Variants in PRKG1 observed in about 807,000 individuals in gnomAD.
PRKG1 encodes the protein cGMP-dependent protein kinase 1.
PRKG1 carries 35 observed loss-of-function variants against 88.1 expected under a neutral mutation model. The ratio of observed to expected loss-of-function variants is 0.40; its 90% CI spans 0.30 to 0.53. PRKG1 has a LOEUF of 0.53. PRKG1 is among the 20% of genes least tolerant of loss of function. PRKG1 has a pLI of 0.59. For missense variants in PRKG1, 540 were observed against 839.8 expected (o/e 0.64, Z 4.41); for synonymous variants, 303 against 292.5 (o/e 1.04, Z -0.37).
chr10:51,949,033 CG>C (rs1843123405), intron 5 of PRKG1, among the ~76,000 whole-genome samples: 1 of 152,088 alleles, frequency 6.6e-6, no homozygotes, highest in Non-Finnish European at 1.5e-5. Context: ...TTCATTATTG[CG>C]TCTTTGTCTT....
chr10:51,912,002 T>C (rs1380980547), intron 5 of PRKG1, among the ~76,000 whole-genome samples: 2 of 152,190 alleles, frequency 1.3e-5, no homozygotes, highest in Non-Finnish European at 2.9e-5. Context: ...AGCATGTGTT[T>C]CAGTGAAGGA....
At chr10:51,727,134 C>T (rs996206398) in intron 3 of PRKG1, among the ~76,000 whole-genome samples, 4 of 151,730 alleles carry the variant, frequency 2.6e-5, no homozygotes, top group African/African-American at 7.3e-5. Flanking sequence ...AAAATGTAAA[C>T]GAATGTCTTT....
At chr10:51,754,331 A>G (rs1837803059) in intron 3 of PRKG1, among the ~76,000 whole-genome samples, 1 of 152,166 alleles carries the variant, frequency 6.6e-6, no homozygotes, top group South Asian at 2.1e-4. Context: ...CTCTGGCAAT[A>G]CAACTCCTCT....
intron 3 of PRKG1, among the ~76,000 whole-genome samples, chr10:51,602,504 G>A (rs1364742016): frequency 6.6e-6 from 1 of 151,852 alleles, no homozygotes; most frequent in Non-Finnish European, 1.5e-5. Flanking sequence ...GGAATGTAGT[G>A]GATGATAGCG....
intron 5 of PRKG1, among the ~76,000 whole-genome samples, chr10:51,912,747 G>A (rs551548103): frequency 1.3e-5 from 2 of 152,128 alleles, no homozygotes; most frequent in Admixed American, 1.3e-4. Flanking sequence ...GGATTTAGGA[G>A]TGATTTCTGC....
chr10:52,252,108 T>C (rs1000874261), intron 10 of PRKG1: 5 of 154,496 alleles, frequency 3.2e-5, no homozygotes, highest in Non-Finnish European at 7.2e-5. Context: ...TAAATGGTGT[T>C]GTAGTAGCAA....
At chr10:51,682,070 T>C (rs956734573) in intron 3 of PRKG1, among the ~76,000 whole-genome samples, 1 of 151,838 alleles carries the variant, frequency 6.6e-6, no homozygotes, top group Non-Finnish European at 1.5e-5. Flanking sequence ...CTATAGGAAA[T>C]AGAAATATAC....
At chr10:52,205,286 C>T (rs539241489) in intron 9 of PRKG1, among the ~76,000 whole-genome samples, 6 of 152,238 alleles carry the variant, frequency 3.9e-5, no homozygotes, top group Admixed American at 1.3e-4. Context: ...CCTATTCGTA[C>T]ACTCCCTCCC....
intron 2 of PRKG1, among the ~76,000 whole-genome samples, chr10:51,237,971 T>C (rs1412404790): frequency 6.6e-6 from 1 of 152,176 alleles, no homozygotes; most frequent in Non-Finnish European, 1.5e-5. Flanking sequence ...GTTTACATAC[T>C]GTTAAGTATT....
chr10:52,144,460 T>G (rs1174020928), intron 8 of PRKG1, among the ~76,000 whole-genome samples: 1 of 152,214 alleles, frequency 6.6e-6, no homozygotes, highest in African/African-American at 2.4e-5. Context: ...ACAGGCAGAC[T>G]TTTAAGATAC....
chr10:51,576,137 G>C (rs1369435579), intron 3 of PRKG1, among the ~76,000 whole-genome samples: 1 of 151,842 alleles, frequency 6.6e-6, no homozygotes, highest in African/African-American at 2.4e-5. Context: ...ACTTGCCCAT[G>C]GTCACGCACT....
intron 2 of PRKG1, among the ~76,000 whole-genome samples, chr10:51,178,683 C>G (rs1203839410): frequency 6.6e-6 from 1 of 152,022 alleles, no homozygotes; most frequent in East Asian, 1.9e-4. Context: ...AATCCTTTCT[C>G]CTATTTTTCA....
At chr10:51,811,615 G>A (rs1297268391) in intron 4 of PRKG1, among the ~76,000 whole-genome samples, 2 of 152,124 alleles carry the variant, frequency 1.3e-5, no homozygotes, top group East Asian at 1.9e-4. Context: ...AATGATCCCT[G>A]TGCCTGGGCA....
At chr10:51,166,203 T>G (rs896032070) in intron 2 of PRKG1, among the ~76,000 whole-genome samples, 1 of 151,332 alleles carries the variant, frequency 6.6e-6, no homozygotes, top group Non-Finnish European at 1.5e-5. Context: ...GCCCTCAATT[T>G]AAAGCCACTT....
chr10:51,733,461 C>T (rs903298076), intron 3 of PRKG1, among the ~76,000 whole-genome samples: 3 of 152,096 alleles, frequency 2.0e-5, no homozygotes, highest in African/African-American at 4.8e-5. Flanking sequence ...ATAGTAACAT[C>T]AATAATAAAT....
At chr10:51,894,248 A>T (rs935912554) in intron 4 of PRKG1, among the ~76,000 whole-genome samples, 1 of 152,324 alleles carries the variant, frequency 6.6e-6, no homozygotes, top group East Asian at 1.9e-4. Context: ...CGTTAAAATT[A>T]TCTGAGTAGA....
intron 3 of PRKG1, among the ~76,000 whole-genome samples, chr10:51,677,827 C>T (rs572494871): frequency 2.0e-5 from 3 of 152,058 alleles, no homozygotes; most frequent in African/African-American, 7.2e-5. Context: ...TTTAACAAAT[C>T]CCTGGTTTGC....
At chr10:51,506,087 A>G (rs1564526757) in intron 3 of PRKG1, among the ~76,000 whole-genome samples, 1 of 152,144 alleles carries the variant, frequency 6.6e-6, no homozygotes, top group Non-Finnish European at 1.5e-5. Context: ...GGTGCTGGGA[A>G]AACTGGCTAG....
intron 4 of PRKG1, among the ~76,000 whole-genome samples, chr10:51,844,016 C>T (rs1840342239): frequency 6.6e-6 from 1 of 152,072 alleles, no homozygotes; most frequent in African/African-American, 2.4e-5. Context: ...ATAGAATTTG[C>T]TTGTGGCAAG....
Sources: gnomAD v4.1 joint callset for allele counts (sites outside exome capture counted in the v4.1 genomes callset) on GRCh38, gnomAD v4.1.1 for gene constraint, MANE v1.5 for transcripts, NCBI Gene and HGNC (gene_info 2026-07-23, HGNC 2026-07-21) for gene names.